The following RYR1 variants were observed in gnomAD, a reference collection of about 807,000 sequenced individuals.
RYR1 encodes the protein ryanodine receptor 1.
A neutral mutation model predicts 583.5 loss-of-function variants in RYR1; 342 were observed. The observed-to-expected ratio is 0.59, with a 90% confidence interval of 0.54 to 0.64. The LOEUF (loss-of-function observed/expected upper bound fraction) is 0.64. Ranked by LOEUF, RYR1 falls within the 30% of genes least tolerant of loss-of-function variation. The probability of loss-of-function intolerance (pLI) is 0.00; values close to 1 mark genes in which losing one functional copy is unlikely to be tolerated. For synonymous variants in RYR1, 2,791 were observed against 2,822.5 expected, an observed-to-expected ratio of 0.99 and a Z score of 0.35; for missense variants, 6,032 against 6,917.2, an observed-to-expected ratio of 0.87 and a Z score of 4.54.
rs148923077 is a variant in RYR1, at chr19:38,561,175, A to C, written c.12345A>C (p.Glu4115Asp). The change falls in exon 90 of 106, where the codon GAA (glutamate) becomes GAC (aspartate). Residue 4115 changes from glutamate to aspartate, a missense_variant. Coordinates refer to ENST00000359596, the MANE Select transcript of RYR1 (RefSeq NM_000540.3). The surrounding 1 kb of genome is among the most constrained non-coding windows in gnomAD (Gnocchi z 4.8). The stretch of plus-strand genomic sequence containing the variant: ...TCCAGTTCCTGCTTTCGTGCTCCGA[A>C]GCGGATGAGAACGAAATGATCAACT... ...PEIQFLLSCSEADENEMINCE... is the reference protein window; with the variant it reads ...PEIQFLLSCSDADENEMINCE... 16 of 1,614,046 alleles carry C rather than the reference A, an allele frequency of 9.9e-6. No individual in the cohort carries two copies. The African/African-American group carries it at 2.0e-4, about 20-fold the overall frequency.
chr19:38,526,872 C>T, intron 71 of RYR1, 121 bp from the exon 72 acceptor site: 1 of 1,039,826 alleles, frequency 9.6e-7, no homozygotes, highest in Non-Finnish European at 1.5e-6. Flanking sequence ...TCTCAGACCC[C>T]CACCCCCACC....
intron 58 of RYR1, among the ~76,000 whole-genome samples, chr19:38,508,361 G>A (rs780668983): frequency 1.1e-4 from 17 of 151,904 alleles, no homozygotes; most frequent in South Asian, 2.1e-4. Context: ...AGGCACGGGC[G>A]CCGCCACACC....
intron 70 of RYR1, among the ~76,000 whole-genome samples, chr19:38,524,781 C>T (rs1971396320): frequency 6.6e-6 from 1 of 152,152 alleles, no homozygotes; most frequent in East Asian, 1.9e-4. Context: ...TCTTTGTGGA[C>T]CTGCATCTTT....
chr19:38,536,734 C>A lies in RYR1; in HGVS notation c.11591-16C>A. 6.2e-7 allele frequency: 1 copy of A among 1,613,892 alleles called. No homozygotes were observed. Among genetic ancestry groups the A allele is most frequent in the Non-Finnish European group, 8.5e-7 (1 of 1,179,918 alleles). On this transcript the variant is annotated splice_polypyrimidine_tract_variant and intron_variant, in intron 82 of 105. Coordinates refer to ENST00000359596, the MANE Select transcript of RYR1 (RefSeq NM_000540.3). ...TTTTCTCCTGCTTCCTCCTCCCATC[C>A]TGTTGGCTGCCCCAGTCATCAATCG...
Position 38,442,430 on chromosome 19 carries a change from A to G in RYR1, c.247A>G (p.Asn83Asp). ...GCGAGCCCTGCAGGAGATGCTGGCT[A>G]ACACGGTGGAGGCTGGCGTGGAGGT... is the stretch of plus-strand genomic sequence containing the variant. Reference protein sequence around the residue: ...SVRALQEMLANTVEAGVESSQ... With the variant: ...SVRALQEMLADTVEAGVESSQ... The change falls in exon 3 of 106, where the codon AAC becomes GAC. Residue 83 changes from asparagine (N) to aspartate (D), a missense_variant. Coordinates refer to ENST00000359596, the MANE Select transcript of RYR1 (RefSeq NM_000540.3). 6.2e-7 allele frequency: 1 copy of G among 1,613,332 alleles called. No homozygotes were observed. The highest frequency in any genetic ancestry group is 1.1e-5 in the South Asian group (1 of 91,050).
chr19:38,460,574 C>T lies in RYR1; in HGVS notation c.2560C>T (p.Pro854Ser). The T allele has an allele frequency of 6.2e-7, 1 of 1,612,488 alleles. No individual in the cohort carries two copies. ...CTCACACACCGACTTCGTGCCCTGC[C>T]CTGTGGACACTGTCCAGGTACTGCC... ...CLSHTDFVPC[P>S]VDTVQIVLPP... The change falls in exon 20 of 106, where the codon CCT (proline) becomes TCT (serine). Residue 854 changes from proline to serine, a missense_variant. Around this residue, in one of 11 missense-constraint regions of RYR1, gnomAD observed 2,627 missense variants for 2,961.3 expected, o/e 0.89. Coordinates refer to ENST00000359596, the MANE Select transcript of RYR1 (RefSeq NM_000540.3).
Position 38,496,899 on chromosome 19 carries a change from C to A in RYR1, c.6836C>A (p.Ser2279Tyr). Reference protein sequence around the residue: ...GSTPLDVAAASVIDNNELALA... With the variant: ...GSTPLDVAAAYVIDNNELALA... ...ACGCCCCTGGACGTGGCTGCTGCCTCCGTCATTGACAACAATGAGCTGGCC... is the reference window on the plus strand; with the variant it reads ...ACGCCCCTGGACGTGGCTGCTGCCTACGTCATTGACAACAATGAGCTGGCC... The change falls in exon 42 of 106, where the codon TCC becomes TAC. Residue 2279 changes from serine to tyrosine, a missense_variant. Coordinates refer to ENST00000359596, the MANE Select transcript of RYR1 (RefSeq NM_000540.3). The surrounding 1 kb of genome is among the most constrained non-coding windows in gnomAD (Gnocchi z 4.8). 6.2e-7 allele frequency: 1 copy of A among 1,613,558 alleles called. No homozygotes were observed. The highest frequency in any genetic ancestry group is 1.1e-5 in the South Asian group (1 of 91,080).
rs188328065 is a variant in RYR1 at position 38,473,320 on chromosome 19, C to A, written c.3766-57C>A. On this transcript the variant is annotated intron_variant, in intron 27 of 105. Coordinates refer to ENST00000359596, the MANE Select transcript of RYR1 (RefSeq NM_000540.3). ...CTCCGTGTGTGACCAGGTGTAGGAC[C>A]AACGGCCTGGCCTAGCCCGCCTGCC... The A allele has an allele frequency of 4.9e-5, 78 of 1,606,418 alleles. No homozygotes were observed. The East Asian group carries it at 1.6e-3, about 34-fold the overall frequency.
chr19:38,462,853 A>G (rs1967831518), intron 20 of RYR1, among the ~76,000 whole-genome samples: 1 of 148,948 alleles, frequency 6.7e-6, no homozygotes, highest in Non-Finnish European at 1.5e-5. Flanking sequence ...CACGGGGGAG[A>G]CAGACCCGTC....
chr19:38,566,149 C>T (rs368260592), intron 91 of RYR1, among the ~76,000 whole-genome samples: 12 of 151,844 alleles, frequency 7.9e-5, no homozygotes, highest in African/African-American at 2.7e-4. Context: ...AATTAGAGGG[C>T]AGGAAAGACC....
rs989228219 is a variant in RYR1 at position 38,446,711 on chromosome 19, G to A, written c.743G>A (p.Gly248Glu). 2 of 1,613,978 alleles carry A rather than the reference G, an allele frequency of 1.2e-6. No individual in the cohort carries two copies. The highest frequency in any genetic ancestry group is 1.7e-6 in the Non-Finnish European group (2 of 1,179,938). The part of the protein sequence containing the change: ...DDQRRLVYYE[G>E]GAVCTHARSL... The stretch of plus-strand genomic sequence containing the variant: ...GTCCCCAGACTTGTCTACTATGAGG[G>A]GGGAGCTGTGTGCACTCATGCCCGC... Residue 248 changes from glycine to glutamate, a missense_variant, in exon 9 of 106, where the codon GGG becomes GAG. By Grantham distance (98) the Gly-to-Glu change is moderately conservative (BLOSUM62 -2). This residue lies in a region of RYR1 where 338 missense variants were observed against 441.6 expected (regional missense o/e 0.77). Transcript: ENST00000359596.
At chr19:38,546,640 G>A (rs1313772406) in intron 88 of RYR1, 114 bp downstream of exon 88, 16 of 837,642 alleles carry the variant, frequency 1.9e-5, no homozygotes, top group Non-Finnish European at 3.2e-5. Flanking sequence ...CATCGTGTCA[G>A]GATCCATGGG....
chr19:38,494,672 T>C (rs1204815880), intron 39 of RYR1, 47 bp downstream of exon 39: 1 of 1,608,826 alleles, frequency 6.2e-7, no homozygotes, highest in Non-Finnish European at 8.5e-7. Context: ...CCTTGGGTAA[T>C]GAATACCCTC....
intron 63 of RYR1, 40 bp from the exon 64 acceptor site, chr19:38,514,986 T>C (rs1970892553): frequency 2.0e-6 from 3 of 1,466,090 alleles, no homozygotes; most frequent in East Asian, 2.3e-5. Context: ...GGGCTTGTCT[T>C]GTGAGCGCAT....
At chr19:38,455,588 G>A (rs1364092232) in intron 15 of RYR1, 42 bp downstream of exon 15, 1 of 1,608,276 alleles carries the variant, frequency 6.2e-7, no homozygotes, top group Admixed American at 1.7e-5. Context: ...TTGTGGGAGG[G>A]GATGGGCATG....
chr19:38,477,557 C>T (rs147609895), intron 29 of RYR1, among the ~76,000 whole-genome samples, 153 bp from the exon 30 acceptor site: 2 of 152,120 alleles, frequency 1.3e-5, no homozygotes, highest in African/African-American at 2.4e-5. Flanking sequence ...GACACAGAAA[C>T]AGACATAACC....
intron 47 of RYR1, 79 bp downstream of exon 47, chr19:38,501,069 A>G (rs894563019): frequency 1.4e-6 from 2 of 1,408,820 alleles, no homozygotes; most frequent in African/African-American, 2.8e-5. Context: ...GAGCAGCAGC[A>G]GCTGCTTTTG....
chr19:38,545,908 A>G (rs969430347), intron 87 of RYR1, among the ~76,000 whole-genome samples: 1 of 152,128 alleles, frequency 6.6e-6, no homozygotes, highest in African/African-American at 2.4e-5. Flanking sequence ...ATGAGGCAAA[A>G]CTTTGTATTG....
chr19:38,572,377 A>T, intron 95 of RYR1, 107 bp downstream of exon 95: 32 of 1,027,276 alleles, frequency 3.1e-5, no homozygotes, highest in Middle Eastern at 3.6e-4. Context: ...TGGTTGGGAC[A>T]GAGGGGGCCT....
Sources: gnomAD v4.1 joint callset for allele counts (sites outside exome capture counted in the v4.1 genomes callset) on GRCh38, gnomAD v4.1.1 for gene constraint, gnomAD v4.1.1 regional missense constraint, Gnocchi (gnomAD v3.1) non-coding constraint, MANE v1.5 for transcripts, NCBI Gene and HGNC (gene_info 2026-07-23, HGNC 2026-07-21) for gene names.